The following PIM1 variants were observed in gnomAD, a reference collection of about 807,000 sequenced individuals.
The protein encoded by PIM1 is Pim-1 proto-oncogene, serine/threonine kinase.
Under a neutral mutation model 34.5 loss-of-function variants are expected in PIM1, and 9 were observed. That is an observed-to-expected ratio of 0.26 (90% CI 0.16 to 0.46). The LOEUF is 0.46. Among genes scored for constraint, PIM1 ranks in the 20% least tolerant of loss-of-function variants. The probability of loss-of-function intolerance (pLI) is 1.00; values close to 1 mark genes in which losing one functional copy is unlikely to be tolerated. For synonymous variants in PIM1, 199 were observed against 175.2 expected, an observed-to-expected ratio of 1.14 and a Z score of -1.07; for missense variants, 274 against 410.9, an observed-to-expected ratio of 0.67 and a Z score of 2.88.
rs372193637 is a variant in PIM1, at chr6:37,170,535, C to A, written c.-41C>A. The A allele has an allele frequency of 6.2e-7, 1 of 1,610,532 alleles. No homozygotes were observed. Among genetic ancestry groups the A allele is most frequent in the Non-Finnish European group, 8.5e-7 (1 of 1,179,328 alleles). On this transcript the variant is annotated 5_prime_UTR_variant, in exon 1 of 6. Coordinates refer to ENST00000373509, the MANE Select transcript of PIM1 (RefSeq NM_002648.4). The stretch of plus-strand genomic sequence containing the variant: ...CCCGGCTCCGGCTCCTGCGGCAGCT[C>A]CTCTGGGCACCGTCCCTGCGCCGAC...
rs1762368006 is a variant in PIM1, at chr6:37,174,425, T to C, written c.*334T>C. On this transcript the variant is annotated 3_prime_UTR_variant, in exon 6 of 6. Coordinates refer to ENST00000373509, the MANE Select transcript of PIM1 (RefSeq NM_002648.4). ...TGCCATGGAACTGTTTCCTTCATCA[T>C]GAGTTCTGCTGAATGCCGCGATGGG... 2 of 280,378 alleles carry C rather than the reference T, an allele frequency of 7.1e-6. No individual in the cohort carries two copies. The highest frequency in any genetic ancestry group is 4.3e-5 in the African/African-American group (2 of 46,576). 17.4% of individuals were successfully genotyped at this position (280,378 alleles called of 1,614,324 possible).
In PIM1 at chr6:37,171,236, C is replaced by T; in HGVS notation, c.352C>T (p.Leu118=). ...GTTCGAGAGGCCCGACAGTTTCGTC[C>T]TGATCCTGGAGAGGCCCGAGCCGGT... The part of the protein sequence containing the change: ...DWFERPDSFV[L]ILERPEPVQD... Residue 118 remains leucine (L), a synonymous_variant, in exon 4 of 6, where the codon CTG becomes TTG. Transcript: ENST00000373509. The T allele has an allele frequency of 6.2e-7, 1 of 1,614,088 alleles. No homozygotes were observed. Among genetic ancestry groups the T allele is most frequent in the Non-Finnish European group, 8.5e-7 (1 of 1,180,042 alleles).
At chr6:37,172,379 T>C in intron 4 of PIM1, 1 of 346,280 alleles carries the variant, frequency 2.9e-6, no homozygotes, top group South Asian at 2.2e-5. Context: ...GCATGGCCCC[T>C]CCTTTTTCTT....
At position 37,171,407 on chromosome 6, in the gene PIM1, A is replaced by G; in HGVS notation, c.523A>G (p.Ile175Val). 1 of 1,614,052 alleles carries G rather than the reference A, an allele frequency of 6.2e-7. No individual in the cohort carries two copies. Among genetic ancestry groups the G allele is most frequent in the Non-Finnish European group, 8.5e-7 (1 of 1,180,036 alleles). The change falls in exon 4 of 6, where the codon ATC becomes GTC. Residue 175 changes from isoleucine to valine, a missense_variant. This residue lies in a region of PIM1 where 168 missense variants were observed against 299.4 expected (regional missense o/e 0.56). Transcript: ENST00000373509. ...HRDIKDENIL[I>V]DLNRGELKLI... ...CGACATCAAGGACGAAAACATCCTT[A>G]TCGACCTCAATCGCGGCGAGCTCAA...
In PIM1 at chr6:37,170,287, C is replaced by G; in HGVS notation, c.-289C>G. 2 of 1,411,168 alleles carry G rather than the reference C, an allele frequency of 1.4e-6. No individual in the cohort carries two copies. The highest frequency in any genetic ancestry group is 1.8e-6 in the Non-Finnish European group (2 of 1,085,456). 87.4% of individuals were successfully genotyped at this position (1,411,168 alleles called of 1,614,324 possible). On this transcript the variant is annotated 5_prime_UTR_variant, in exon 1 of 6. Transcript: ENST00000373509. Reference sequence around the variant, plus strand: ...AGCAGCAGCAGCAGCAACCACTAGCCTCCTGCCCCGCGGCGCTGCCGCACG... The same window carrying G: ...AGCAGCAGCAGCAGCAACCACTAGCGTCCTGCCCCGCGGCGCTGCCGCACG...
In PIM1 at chr6:37,174,163, C is replaced by CCGAGTACCAGTGACA. The variant is rs1762360938; in HGVS notation, c.*75_*89dup. On this transcript the variant is annotated 3_prime_UTR_variant, in exon 6 of 6. Coordinates refer to ENST00000373509, the MANE Select transcript of PIM1 (RefSeq NM_002648.4). ...AGGGGAAGCTTCTGTCTCCAGCTTC[C>CCGAGTACCAGTGACA]CGAGTACCAGTGACACGTCTCGCCA... The CCGAGTACCAGTGACA allele has an allele frequency of 6.9e-7, 1 of 1,455,360 alleles. No homozygotes were observed. Among genetic ancestry groups the CCGAGTACCAGTGACA allele is most frequent in the Non-Finnish European group, 9.4e-7 (1 of 1,064,880 alleles). The allele number at this position is 1,455,360 out of a possible 1,614,324, so 90.2% of individuals were successfully genotyped here.
chr6:37,174,069 T>G lies in PIM1; in HGVS notation c.920T>G (p.Leu307Arg). The change falls in exon 6 of 6, where the codon CTG (leucine) becomes CGG (arginine). Residue 307 changes from leucine to arginine, a missense_variant. This residue lies in a region of PIM1 where 168 missense variants were observed against 299.4 expected (regional missense o/e 0.56). Coordinates refer to ENST00000373509, the MANE Select transcript of PIM1 (RefSeq NM_002648.4). Reference sequence around the variant, plus strand: ...ACTGCTGAGATCCACCTCCACAGCCTGTCGCCGGGGCCCAGCAAATAGCAG... The same window carrying G: ...ACTGCTGAGATCCACCTCCACAGCCGGTCGCCGGGGCCCAGCAAATAGCAG... The part of the protein sequence containing the change: ...QETAEIHLHS[L>R]SPGPSK 6.2e-7 allele frequency: 1 copy of G among 1,613,542 alleles called. No homozygotes were observed. The highest frequency in any genetic ancestry group is 8.5e-7 in the Non-Finnish European group (1 of 1,179,762).
chr6:37,171,709 T>C (rs2113770632), intron 4 of PIM1, among the ~76,000 whole-genome samples: 1 of 152,336 alleles, frequency 6.6e-6, no homozygotes, highest in African/African-American at 2.4e-5. Flanking sequence ...ATTTTATTCT[T>C]CAAGTGGAAT....
At chr6:37,173,891 C>T in intron 5 of PIM1, 43 bp from the exon 6 acceptor site, 1 of 1,571,206 alleles carries the variant, frequency 6.4e-7, no homozygotes, top group Non-Finnish European at 8.7e-7. Flanking sequence ...AGTGTAAAAA[C>T]AAGTTGAGTC....
rs747078956 is a variant in PIM1, at chr6:37,170,768, C to T, written c.83-5C>T. 5 of 1,612,178 alleles carry T rather than the reference C, an allele frequency of 3.1e-6. No individual in the cohort carries two copies. Among genetic ancestry groups the T allele is most frequent in the East Asian group, 4.5e-5 (2 of 44,832 alleles). On this transcript the variant is annotated splice_region_variant and splice_polypyrimidine_tract_variant and intron_variant, in intron 1 of 5. Transcript: ENST00000373509. ...ACTGAGTCCCCGTGCTTCCCCCTTT[C>T]CTAGGCAAGGAGAAGGAGCCCCTGG...
chr6:37,172,686 A>G (rs1365874476), intron 4 of PIM1: 2 of 552,168 alleles, frequency 3.6e-6, no homozygotes, highest in Non-Finnish European at 6.9e-6. Context: ...CATCCTTCGC[A>G]GGCGGTCCTG....
At chr6:37,170,741 G>T (rs751036505) in intron 1 of PIM1, 32 bp from the exon 2 acceptor site, 3 of 1,607,726 alleles carry the variant, frequency 1.9e-6, no homozygotes, top group Non-Finnish European at 2.5e-6. Flanking sequence ...TCGCGGGCCG[G>T]CACTGAGTCC....
chr6:37,172,940 C>G, intron 4 of PIM1, 56 bp from the exon 5 acceptor site: 1 of 1,471,750 alleles, frequency 6.8e-7, no homozygotes. Flanking sequence ...CACCCAGCTT[C>G]TTTGTGCTTG....
chr6:37,174,228 C>T lies in PIM1; in HGVS notation c.*137C>T. The T allele has an allele frequency of 1.2e-6, 1 of 852,582 alleles. No individual in the cohort carries two copies. The highest frequency in any genetic ancestry group is 1.8e-5 in the South Asian group (1 of 55,248). 52.8% of individuals were successfully genotyped at this position (852,582 alleles called of 1,614,324 possible). On this transcript the variant is annotated 3_prime_UTR_variant, in exon 6 of 6. Transcript: ENST00000373509. ...TGATACAGGAACAACATTTACAACT[C>T]ATTCCAGATCCCAGGCCCCTGGAGG... is the stretch of plus-strand genomic sequence containing the variant.
chr6:37,171,713 G>C (rs1323498703), intron 4 of PIM1, among the ~76,000 whole-genome samples: 1 of 152,244 alleles, frequency 6.6e-6, no homozygotes, highest in East Asian at 1.9e-4. Flanking sequence ...TATTCTTCAA[G>C]TGGAATTCAG....
At position 37,173,088 on chromosome 6, in the gene PIM1, G is replaced by A. The variant is rs760297171; in HGVS notation, c.700G>A (p.Asp234Asn). ...AVWSLGILLY[D>N]MVCGDIPFEH... ...CTGGTCCCTGGGGATCCTGCTGTAT[G>A]ATATGGTGTGTGGAGATATTCCTTT... The change falls in exon 5 of 6, where the codon GAT becomes AAT. Residue 234 changes from aspartate (D) to asparagine (N), a missense_variant. Around this residue, in one of 2 missense-constraint regions of PIM1, gnomAD observed 168 missense variants for 299.4 expected, o/e 0.56. Transcript: ENST00000373509. 1.1e-5 allele frequency: 17 copies of A among 1,614,178 alleles called. No homozygotes were observed. Among genetic ancestry groups the A allele is most frequent in the Non-Finnish European group, 1.3e-5 (15 of 1,180,020 alleles).
Position 37,174,267 on chromosome 6 carries a change from G to A in PIM1, c.*176G>A. Reference sequence around the variant, plus strand: ...GGCCCCTGGAGGCTGCCTCCCAACAGTGGGGAAGAGTGACTCTCCAGGGGT... The same window carrying A: ...GGCCCCTGGAGGCTGCCTCCCAACAATGGGGAAGAGTGACTCTCCAGGGGT... On this transcript the variant is annotated 3_prime_UTR_variant, in exon 6 of 6. Coordinates refer to ENST00000373509, the MANE Select transcript of PIM1 (RefSeq NM_002648.4). 1 of 580,856 alleles carries A rather than the reference G, an allele frequency of 1.7e-6. No homozygotes were observed. Among genetic ancestry groups the A allele is most frequent in the South Asian group, 2.2e-5 (1 of 45,316 alleles). 36.0% of individuals were successfully genotyped at this position (580,856 alleles called of 1,614,324 possible). A position where few individuals can be genotyped will look rare whatever the true frequency, so the allele number is the denominator to read the frequency against.
chr6:37,171,425 G>A lies in PIM1; in HGVS notation c.541G>A (p.Glu181Lys). The A allele has an allele frequency of 1.2e-6, 2 of 1,613,974 alleles. No individual in the cohort carries two copies. The highest frequency in any genetic ancestry group is 1.7e-6 in the Non-Finnish European group (2 of 1,180,050). Residue 181 changes from glutamate (E) to lysine (K), a missense_variant, in exon 4 of 6, where the codon GAG becomes AAG. By Grantham distance (56) the Glu-to-Lys change is moderately conservative. Coordinates refer to ENST00000373509, the MANE Select transcript of PIM1 (RefSeq NM_002648.4). ...ENILIDLNRGELKLIDFGSGA... is the reference protein window; with the variant it reads ...ENILIDLNRGKLKLIDFGSGA... ...CATCCTTATCGACCTCAATCGCGGC[G>A]AGCTCAAGCTCATCGACTTCGGGTC...
At chr6:37,171,716 G>C (rs1762290484) in intron 4 of PIM1, among the ~76,000 whole-genome samples, 1 of 152,244 alleles carries the variant, frequency 6.6e-6, no homozygotes, top group Non-Finnish European at 1.5e-5. Context: ...TCTTCAAGTG[G>C]AATTCAGTTA....
Sources: allele counts gnomAD v4.1 joint callset (sites outside exome capture counted in the v4.1 genomes callset), GRCh38; gene constraint gnomAD v4.1.1; regional missense constraint gnomAD v4.1.1; transcripts MANE v1.5; gene names NCBI Gene and HGNC (gene_info 2026-07-23, HGNC 2026-07-21).